Variants in SMG7 observed in about 807,000 individuals in gnomAD.
SMG7 encodes nonsense-mediated mRNA decay factor SMG7.
Under a neutral mutation model 148.2 loss-of-function variants are expected in SMG7, and 34 were observed. That is an observed-to-expected ratio of 0.23 (90% CI 0.17 to 0.31). SMG7 has a LOEUF of 0.31. Among genes scored for constraint, SMG7 ranks in the 10% least tolerant of loss-of-function variants. The pLI, the probability that SMG7 is intolerant of heterozygous loss-of-function variation, is 1.00. For synonymous variants in SMG7, 492 were observed against 515.1 expected (o/e 0.96, Z 0.61); for missense variants, 1,114 against 1,408.4 (o/e 0.79, Z 3.35).
intron 12 of SMG7, among the ~76,000 whole-genome samples, chr1:183,539,098 T>C (rs1421039542): frequency 6.6e-6 from 1 of 151,788 alleles, no homozygotes; most frequent in African/African-American, 2.4e-5. Flanking sequence ...TGCAGTGAGC[T>C]GAGAGATCAC....
At chr1:183,525,637 T>C (rs928392239) in intron 4 of SMG7, among the ~76,000 whole-genome samples, 1 of 151,904 alleles carries the variant, frequency 6.6e-6, no homozygotes, top group Non-Finnish European at 1.5e-5. Flanking sequence ...AAGTTGACAG[T>C]AGATGAAAGA....
intron 1 of SMG7, among the ~76,000 whole-genome samples, chr1:183,487,786 A>C (rs1655862164): frequency 6.6e-6 from 1 of 152,218 alleles, no homozygotes; most frequent in African/African-American, 2.4e-5. Flanking sequence ...GTGTCTGTAC[A>C]CTAGCTGCAA....
At chr1:183,479,097 G>A (rs1653417397) in intron 1 of SMG7, among the ~76,000 whole-genome samples, 1 of 152,164 alleles carries the variant, frequency 6.6e-6, no homozygotes. Flanking sequence ...AAATGGAGCT[G>A]CTTAGGAACA....
At chr1:183,549,641 C>T in intron 19 of SMG7, 123 bp from the exon 20 acceptor site, 1 of 746,864 alleles carries the variant, frequency 1.3e-6, no homozygotes, top group Non-Finnish European at 2.2e-6. Flanking sequence ...GAAATAAAAG[C>T]CTTCAAAATT....
At chr1:183,514,365 G>C (rs895383822) in intron 2 of SMG7, among the ~76,000 whole-genome samples, 1 of 152,160 alleles carries the variant, frequency 6.6e-6, no homozygotes, top group African/African-American at 2.4e-5. Flanking sequence ...CTTGTTCAAG[G>C]AAAAGTGTGT....
intron 17 of SMG7, 139 bp downstream of exon 17, chr1:183,546,476 T>C: frequency 1.1e-6 from 1 of 902,300 alleles, no homozygotes; most frequent in Non-Finnish European, 1.7e-6. Flanking sequence ...TTGGTGTAGC[T>C]CTTGGTTTCC....
chr1:183,511,249 A>G (rs1013946158), intron 1 of SMG7, among the ~76,000 whole-genome samples: 2 of 152,186 alleles, frequency 1.3e-5, no homozygotes, highest in African/African-American at 2.4e-5. Context: ...GTTGTGTGCA[A>G]GGTGCTGTGC....
At chr1:183,502,542 AT>A (rs1246782421) in intron 1 of SMG7, 2 of 234,714 alleles carry the variant, frequency 8.5e-6, no homozygotes, top group Non-Finnish European at 1.4e-5. Flanking sequence ...AAGTTTTATT[AT>A]TTATGTGACT....
At chr1:183,551,267 A>G in intron 22 of SMG7, 77 bp downstream of exon 22, 1 of 1,426,842 alleles carries the variant, frequency 7.0e-7, no homozygotes, top group East Asian at 2.3e-5. Context: ...ATAAATAGCT[A>G]GACTTCTCAG....
At chr1:183,488,445 G>C (rs749946347) in intron 1 of SMG7, among the ~76,000 whole-genome samples, 11 of 152,218 alleles carry the variant, frequency 7.2e-5, no homozygotes, top group African/African-American at 1.7e-4. Flanking sequence ...CACTCCAGTA[G>C]GTTATCAGTA....
chr1:183,545,413 C>G, intron 16 of SMG7, 101 bp downstream of exon 16: 4 of 1,350,084 alleles, frequency 3.0e-6, no homozygotes, highest in Non-Finnish European at 4.1e-6. Context: ...ATACTTCTTG[C>G]TTAGATTTAT....
At chr1:183,513,479 C>T (rs1163091578) in intron 2 of SMG7, 1 of 149,994 alleles carries the variant, frequency 6.7e-6, no homozygotes, top group Admixed American at 6.9e-5. Flanking sequence ...TCAAGCGATT[C>T]TCCTGCCTCA....
intron 1 of SMG7, among the ~76,000 whole-genome samples, chr1:183,490,859 C>T (rs1489472142): frequency 6.6e-6 from 1 of 152,164 alleles, no homozygotes; most frequent in African/African-American, 2.4e-5. Flanking sequence ...AATCTTGGTG[C>T]ACTGCAACCT....
intron 1 of SMG7, among the ~76,000 whole-genome samples, chr1:183,474,112 G>A (rs1651478218): frequency 6.6e-6 from 1 of 152,128 alleles, no homozygotes; most frequent in East Asian, 1.9e-4. Context: ...TCCCTTTGTT[G>A]TTTAATATTT....
rs1032211857 is a variant in SMG7 at position 183,552,115 on chromosome 1, A to G, written c.*184A>G. 1.0e-5 allele frequency: 13 copies of G among 1,294,710 alleles called. No individual in the cohort carries two copies. The highest frequency in any genetic ancestry group is 1.2e-5 in the Non-Finnish European group (12 of 1,010,526). The allele number at this position is 1,294,710 out of a possible 1,614,324, so 80.2% of individuals were successfully genotyped here. A position where few individuals can be genotyped will look rare whatever the true frequency, so the allele number is the denominator to read the frequency against. ...ATGTTCGCAGTGCAACAAAAAGAAA[A>G]ATCCATCAGGAACTCTCCGTCCCCC... On this transcript the variant is annotated 3_prime_UTR_variant, in exon 23 of 23. Coordinates refer to ENST00000688051, the MANE Select transcript of SMG7 (RefSeq NM_001375584.1).
chr1:183,524,257 G>A (rs1380699476), intron 4 of SMG7, among the ~76,000 whole-genome samples: 1 of 151,516 alleles, frequency 6.6e-6, no homozygotes, highest in Non-Finnish European at 1.5e-5. Flanking sequence ...CTAATTTTTT[G>A]TTTCACTTTA....
chr1:183,496,982 T>C (rs1658632553), intron 1 of SMG7, among the ~76,000 whole-genome samples: 2 of 152,172 alleles, frequency 1.3e-5, no homozygotes, highest in African/African-American at 2.4e-5. Flanking sequence ...CTCAGACTTG[T>C]TACTCTTAAC....
chr1:183,504,360 G>A (rs1047657591), intron 1 of SMG7, among the ~76,000 whole-genome samples: 1 of 145,606 alleles, frequency 6.9e-6, no homozygotes, highest in African/African-American at 2.6e-5. Flanking sequence ...TTTATTTTGA[G>A]ACCGAGTCTC....
intron 11 of SMG7, among the ~76,000 whole-genome samples, chr1:183,537,964 A>G (rs1668099356): frequency 6.6e-6 from 1 of 152,174 alleles, no homozygotes; most frequent in South Asian, 2.1e-4. Context: ...ATCTTTTTAA[A>G]ATACAGTTTA....
Sources: gnomAD v4.1 joint callset for allele counts (sites outside exome capture counted in the v4.1 genomes callset) on GRCh38, gnomAD v4.1.1 for gene constraint, MANE v1.5 for transcripts, NCBI Gene and HGNC (gene_info 2026-07-23, HGNC 2026-07-21) for gene names.